The following CFAP46 variants were observed in gnomAD, a reference collection of about 807,000 sequenced individuals.
CFAP46 encodes cilia- and flagella-associated protein 46.
Under a neutral mutation model 325.7 loss-of-function variants are expected in CFAP46, and 245 were observed. That is an observed-to-expected ratio of 0.75 (90% CI 0.68 to 0.84). CFAP46 has a LOEUF of 0.84. Ranked by LOEUF, CFAP46 falls within the 40% of genes least tolerant of loss-of-function variation. The pLI is 0.00. For synonymous variants in CFAP46, 1,523 were observed against 1,495.9 expected (o/e 1.02, Z -0.42); for missense variants, 3,346 against 3,543.0 (o/e 0.94, Z 1.41).
chr10:132,834,468 ACTC>A (rs1018643661), intron 48 of CFAP46, among the ~76,000 whole-genome samples, 183 bp downstream of exon 48: 9 of 151,984 alleles, frequency 5.9e-5, no homozygotes, highest in African/African-American at 2.2e-4. Flanking sequence ...AGTGGGCAGT[ACTC>A]CTCCAGGCAG....
chr10:132,893,766 A>C (rs1361652058), intron 24 of CFAP46, among the ~76,000 whole-genome samples: 1 of 152,236 alleles, frequency 6.6e-6, no homozygotes, highest in Non-Finnish European at 1.5e-5. Context: ...GCTCTTTGAT[A>C]AACTCTCACT....
intron 35 of CFAP46, among the ~76,000 whole-genome samples, chr10:132,861,497 G>A (rs1195759414): frequency 6.6e-6 from 1 of 152,220 alleles, no homozygotes; most frequent in African/African-American, 2.4e-5. Flanking sequence ...CCCGCTTGGG[G>A]CGAAAGGCTT....
intron 49 of CFAP46, 94 bp downstream of exon 49, chr10:132,833,947 C>A (rs1398480267): frequency 1.2e-5 from 14 of 1,168,496 alleles, no homozygotes; most frequent in Non-Finnish European, 1.5e-5. Context: ...TCCTGACCCC[C>A]CCTGGCGTTC....
chr10:132,823,103 CTGA>C (rs2134884630), intron 50 of CFAP46, among the ~76,000 whole-genome samples: 2 of 115,272 alleles, frequency 1.7e-5, no homozygotes, highest in Non-Finnish European at 3.4e-5. Flanking sequence ...TTTGTATGTG[CTGA>C]TGTGTGCTGT....
chr10:132,935,542 TCGG>T (rs1208053467), intron 7 of CFAP46, among the ~76,000 whole-genome samples: 79 of 132,346 alleles, frequency 6.0e-4, no homozygotes, highest in Middle Eastern at 5.6e-3. Flanking sequence ...CTCACTCCCC[TCGG>T]CACCCAAACA....
intron 50 of CFAP46, among the ~76,000 whole-genome samples, chr10:132,819,686 A>G (rs1476277830): frequency 6.6e-6 from 1 of 152,264 alleles, no homozygotes; most frequent in Admixed American, 6.5e-5. Context: ...CCCAATATCC[A>G]CACACAAAAC....
rs756237922 is a variant in CFAP46 at position 132,937,604 on chromosome 10, G to A, written c.608C>T (p.Pro203Leu). The change falls in exon 6 of 58, where the codon CCG (proline) becomes CTG (leucine). Residue 203 changes from proline to leucine, a missense_variant. Transcript: ENST00000368586. ...EAARFCSTAA[P>L]FIKSHVPQKY... ...CTGTGGCACGTGAGACTTAATGAAC[G>A]GAGCTGCCGTGGAGCAGAACCTGGC... The A allele has an allele frequency of 3.1e-6, 5 of 1,613,508 alleles. No individual in the cohort carries two copies. Among genetic ancestry groups the A allele is most frequent in the Non-Finnish European group, 4.2e-6 (5 of 1,179,948 alleles).
intron 25 of CFAP46, among the ~76,000 whole-genome samples, chr10:132,888,950 C>T (rs751519678): frequency 6.6e-6 from 1 of 152,210 alleles, no homozygotes; most frequent in African/African-American, 2.4e-5. Flanking sequence ...GCTTGCGGGT[C>T]TCTGGGCCAG....
Position 132,850,316 on chromosome 10 carries a change from C to CCCGGCCAGGCCCGGCT in CFAP46, c.5879_5880insAGCCGGGCCTGGCCGG (p.Arg1961AlafsTer16). On this transcript the variant is annotated frameshift_variant, in exon 41 of 58. Transcript: ENST00000368586. LOFTEE classifies it high-confidence loss of function. ...GCATGGCCAGCAGGTGCAGGGCCCT[C>CCCGGCCAGGCCCGGCT]CCGGCCAGGCCCAGGAGCCGGGCGC... The CCCGGCCAGGCCCGGCT allele has an allele frequency of 1.3e-6, 2 of 1,551,644 alleles. No homozygotes were observed. The highest frequency in any genetic ancestry group is 8.7e-7 in the Non-Finnish European group (1 of 1,147,504).
chr10:132,850,181 T>C (rs942365913), intron 41 of CFAP46, 63 bp downstream of exon 41: 21 of 1,500,994 alleles, frequency 1.4e-5, no homozygotes, highest in Admixed American at 2.0e-5. Context: ...ACTTCGCTTG[T>C]GTTTTTCAGG....
In CFAP46 at chr10:132,808,513, C is replaced by G. The variant is rs1276958358; in HGVS notation, c.8056G>C (p.Gly2686Arg). Residue 2686 changes from glycine to arginine, a missense_variant, in exon 58 of 58, where the codon GGC becomes CGC. Coordinates refer to ENST00000368586, the MANE Select transcript of CFAP46 (RefSeq NM_001200049.3). This position sits in a 1 kb window ranked among gnomAD's most constrained non-coding sequence, Gnocchi z 6.8. ...RRGWSCVSSR[G>R]QDKGGLPLAA... ...AAGGGGAGGCCGCCCTTGTCCTGGC[C>G]CCGGGAAGAGACGCAGCTCCAGCCC... is the stretch of plus-strand genomic sequence containing the variant. The G allele has an allele frequency of 6.2e-7, 1 of 1,613,178 alleles. No homozygotes were observed.
chr10:132,835,434 C>T lies in CFAP46; in HGVS notation c.6614G>A (p.Gly2205Asp). 1 of 1,613,478 alleles carries T rather than the reference C, an allele frequency of 6.2e-7. No individual in the cohort carries two copies. The highest frequency in any genetic ancestry group is 2.2e-5 in the East Asian group (1 of 44,884). Reference protein sequence around the residue: ...AAKGKVQAVGGSCKVMRLAIS... With the variant: ...AAKGKVQAVGDSCKVMRLAIS... ...GGCCAGACGCATCACCTTGCAGGAGCCTGTGGGGACATGGACACACCCTCT... is the reference window on the plus strand; with the variant it reads ...GGCCAGACGCATCACCTTGCAGGAGTCTGTGGGGACATGGACACACCCTCT... The change falls in exon 47 of 58, where the codon GGC (glycine) becomes GAC (aspartate). Residue 2205 changes from glycine (G) to aspartate (D), a missense_variant and splice_region_variant. Coordinates refer to ENST00000368586, the MANE Select transcript of CFAP46 (RefSeq NM_001200049.3).
rs1345652600 is a variant in CFAP46, at chr10:132,840,851, C to T, written c.6439-3937G>A. ...GATCTCTGCTGTGGCTGTGTGTGGC[C>T]CAGCGCTGTTCGGTTTTAGCCATGT... On this transcript the variant is annotated intron_variant, in intron 44 of 57. Coordinates refer to ENST00000368586, the MANE Select transcript of CFAP46 (RefSeq NM_001200049.3). Among the ~76,000 whole-genome samples the T allele has an allele frequency of 5.3e-5, 8 of 152,158 alleles. No individual in the cohort carries two copies. The East Asian group carries it at 5.8e-4, about 11-fold the overall frequency.
chr10:132,832,656 A>C lies in CFAP46; in HGVS notation c.7117+702T>G. 1 of 414,750 alleles carries C rather than the reference A, an allele frequency of 2.4e-6. No homozygotes were observed. Among genetic ancestry groups the C allele is most frequent in the South Asian group, 1.7e-5 (1 of 59,684 alleles). The allele number at this position is 414,750 out of a possible 1,614,324, so 25.7% of individuals were successfully genotyped here. A position where few individuals can be genotyped will look rare whatever the true frequency, so the allele number is the denominator to read the frequency against. ...TTTTATTTGATACCGAAGTGCAGAA[A>C]ACTGCACGTACCGCAAGGGTAGCGC... is the stretch of plus-strand genomic sequence containing the variant. On this transcript the variant is annotated intron_variant, in intron 50 of 57. Coordinates refer to ENST00000368586, the MANE Select transcript of CFAP46 (RefSeq NM_001200049.3). This position sits in a 1 kb window ranked among gnomAD's most constrained non-coding sequence, Gnocchi z 4.1.
intron 50 of CFAP46, among the ~76,000 whole-genome samples, chr10:132,829,666 G>C (rs2134971140): frequency 6.6e-6 from 1 of 152,368 alleles, no homozygotes; most frequent in Non-Finnish European, 1.5e-5. Flanking sequence ...GTGTTCTGCA[G>C]ATGTCCTTTG....
intron 9 of CFAP46, among the ~76,000 whole-genome samples, chr10:132,927,273 C>T (rs1194240181): frequency 6.6e-6 from 1 of 152,232 alleles, no homozygotes; most frequent in Non-Finnish European, 1.5e-5. Flanking sequence ...GATGGTGAAG[C>T]ATCTTCACAA....
At position 132,916,569 on chromosome 10, in the gene CFAP46, A is replaced by G. The variant is rs1472322136; in HGVS notation, c.2100T>C (p.Asn700=). ...AGYVPEPPEV[N]AEWITYRTWI... is the part of the protein sequence containing the mutation. ...CCCACCTGTATGTGATCCACTCAGC[A>G]TTCACCTCCGGGGGCTCAGGCACGT... Residue 700 remains asparagine, a synonymous_variant, in exon 17 of 58, where the codon AAT becomes AAC. Coordinates refer to ENST00000368586, the MANE Select transcript of CFAP46 (RefSeq NM_001200049.3). 2.6e-6 allele frequency: 4 copies of G among 1,547,818 alleles called. No homozygotes were observed. Among genetic ancestry groups the G allele is most frequent in the Admixed American group, 2.0e-5 (1 of 50,760 alleles).
At chr10:132,929,599 C>T in intron 9 of CFAP46, 106 bp downstream of exon 9, 1 of 1,079,992 alleles carries the variant, frequency 9.3e-7, no homozygotes, top group Admixed American at 1.7e-5. Context: ...GACCGAAGCC[C>T]TGGGGGCCGT....
chr10:132,937,390 C>G (rs924838743), intron 6 of CFAP46, 162 bp downstream of exon 6: 20 of 776,414 alleles, frequency 2.6e-5, no homozygotes, highest in Non-Finnish European at 3.9e-5. Context: ...ATTGGATGAA[C>G]TGCTATTTCT....
Sources: allele counts gnomAD v4.1 joint callset (sites outside exome capture counted in the v4.1 genomes callset), GRCh38; gene constraint gnomAD v4.1.1; non-coding constraint Gnocchi (gnomAD v3.1); transcripts MANE v1.5; gene names NCBI Gene and HGNC (gene_info 2026-07-23, HGNC 2026-07-21).